The following NRDE2 variants were observed in gnomAD, a reference collection of about 807,000 sequenced individuals.
NRDE2 encodes nuclear exosome regulator NRDE2.
NRDE2 carries 76 observed loss-of-function variants against 124.2 expected under a neutral mutation model. The observed-to-expected ratio is 0.61, with a 90% CI of 0.51 to 0.74. The LOEUF is 0.74. Ranked by LOEUF, NRDE2 falls within the 30% of genes least tolerant of loss-of-function variation. NRDE2 has a pLI of 0.00. For missense variants in NRDE2, 1,314 were observed against 1,417.3 expected (o/e 0.93, Z 1.17); for synonymous variants, 489 against 528.1 (o/e 0.93, Z 1.01).
intron 1 of NRDE2, among the ~76,000 whole-genome samples, chr14:90,318,973 A>G (rs1218021649): frequency 6.6e-6 from 1 of 152,184 alleles, no homozygotes; most frequent in African/African-American, 2.4e-5. Context: ...AAAACCTAAG[A>G]TGTTAACTTT....
At chr14:90,307,954 C>T (rs1317692038) in intron 4 of NRDE2, among the ~76,000 whole-genome samples, 1 of 152,188 alleles carries the variant, frequency 6.6e-6, no homozygotes, top group Non-Finnish European at 1.5e-5. Context: ...CACTATGTTG[C>T]TCAGCCTTGT....
intron 3 of NRDE2, among the ~76,000 whole-genome samples, chr14:90,313,006 C>T (rs573177619): frequency 6.6e-6 from 1 of 152,240 alleles, no homozygotes; most frequent in South Asian, 2.1e-4. Context: ...GCCCTAACTT[C>T]GCCTAACTTA....
At chr14:90,315,943 G>A (rs1358367845) in intron 3 of NRDE2, among the ~76,000 whole-genome samples, 1 of 119,148 alleles carries the variant, frequency 8.4e-6, no homozygotes, top group Non-Finnish European at 1.6e-5. Context: ...GGCAACTGGA[G>A]TGAAACCCCG....
intron 1 of NRDE2, among the ~76,000 whole-genome samples, chr14:90,324,670 C>G (rs1885356569): frequency 7.3e-6 from 1 of 136,466 alleles, no homozygotes; most frequent in Non-Finnish European, 1.6e-5. Flanking sequence ...AAGGCTCCGT[C>G]TCCAAAAAAA....
rs1463855251 is a variant in NRDE2 at position 90,269,299 on chromosome 14, T to C, written c.*9037A>G. On this transcript the variant is annotated 3_prime_UTR_variant, in exon 14 of 14. Transcript: ENST00000354366. ...GCCATGTGAGTTGAAACAGGAATGTTTGTTAAGGTGTTTTGTCACAATGAG... is the reference window on the plus strand; with the variant it reads ...GCCATGTGAGTTGAAACAGGAATGTCTGTTAAGGTGTTTTGTCACAATGAG... The C allele has an allele frequency of 1.9e-6, 2 of 1,072,794 alleles. No individual in the cohort carries two copies. The highest frequency in any genetic ancestry group is 1.6e-5 in the African/African-American group (1 of 62,864). 66.5% of individuals were successfully genotyped at this position (1,072,794 alleles called of 1,614,324 possible).
Position 90,302,881 on chromosome 14 carries a change from A to G in NRDE2, c.1250T>C (p.Leu417Pro). The G allele has an allele frequency of 6.2e-7, 1 of 1,614,122 alleles. No individual in the cohort carries two copies. Among genetic ancestry groups the G allele is most frequent in the South Asian group, 1.1e-5 (1 of 91,090 alleles). ...LIFLHPNNTALWQKYLLFCQS... is the reference protein window; with the variant it reads ...LIFLHPNNTAPWQKYLLFCQS... ...GCAAAATAAAAGGTATTTCTGCCAA[A>G]GGGCTGTATTATTGGGATGCAAAAA... Residue 417 changes from leucine (L) to proline (P), a missense_variant, in exon 6 of 14, where the codon CTT becomes CCT. By Grantham distance (98) the Leu-to-Pro change is moderately conservative. Transcript: ENST00000354366.
intron 7 of NRDE2, among the ~76,000 whole-genome samples, chr14:90,300,580 C>T (rs1884357199): frequency 6.6e-6 from 1 of 151,560 alleles, no homozygotes; most frequent in Admixed American, 6.6e-5. Context: ...TATTTCTTCA[C>T]TTATCTTCAT....
intron 12 of NRDE2, among the ~76,000 whole-genome samples, chr14:90,283,407 T>C (rs538486060): frequency 6.6e-6 from 1 of 152,302 alleles, no homozygotes; most frequent in East Asian, 1.9e-4. Context: ...TGTAAAAGAC[T>C]GGGTAAGTTA....
chr14:90,303,293 A>G (rs575264024), intron 5 of NRDE2, among the ~76,000 whole-genome samples, 168 bp from the exon 6 acceptor site: 2 of 152,260 alleles, frequency 1.3e-5, no homozygotes, highest in South Asian at 2.1e-4. Context: ...GTGTCACCTG[A>G]TATGTTTGAT....
At chr14:90,331,526 A>G (rs887742174) in intron 1 of NRDE2, among the ~76,000 whole-genome samples, 3 of 152,234 alleles carry the variant, frequency 2.0e-5, no homozygotes, top group Non-Finnish European at 4.4e-5. Flanking sequence ...GAGTATCATT[A>G]TTCCCAATTT....
intron 12 of NRDE2, among the ~76,000 whole-genome samples, chr14:90,285,703 G>T (rs759749566): frequency 1.3e-5 from 2 of 152,088 alleles, no homozygotes; most frequent in Non-Finnish European, 2.9e-5. Context: ...TGTGATCATA[G>T]CTCACTGCCA....
Position 90,268,321 on chromosome 14 carries a change from G to T in NRDE2, c.*10015C>A. On this transcript the variant is annotated 3_prime_UTR_variant, in exon 14 of 14. Transcript: ENST00000354366. The stretch of plus-strand genomic sequence containing the variant: ...TTATTCAGAAGTACCTAGGTGATGG[G>T]CCCAAACTCGTACGGGAATTGTTCC... 6.8e-6 allele frequency: 11 copies of T among 1,613,292 alleles called. No individual in the cohort carries two copies. Among genetic ancestry groups the T allele is most frequent in the Non-Finnish European group, 9.3e-6 (11 of 1,179,320 alleles).
intron 6 of NRDE2, chr14:90,301,757 T>C (rs926589643): frequency 6.6e-6 from 3 of 456,506 alleles, no homozygotes; most frequent in African/African-American, 4.0e-5. Flanking sequence ...AGTTGATCAC[T>C]AGATGGCATT....
intron 1 of NRDE2, among the ~76,000 whole-genome samples, chr14:90,322,513 A>C (rs1288218056): frequency 6.6e-6 from 1 of 152,146 alleles, no homozygotes; most frequent in Non-Finnish European, 1.5e-5. Flanking sequence ...ACACCTAATC[A>C]AATGAACTGA....
chr14:90,325,171 C>T (rs1308207684), intron 1 of NRDE2, among the ~76,000 whole-genome samples: 2 of 152,064 alleles, frequency 1.3e-5, no homozygotes, highest in East Asian at 1.9e-4. Flanking sequence ...TTTGTGGACA[C>T]GGGAAGAAAA....
intron 1 of NRDE2, among the ~76,000 whole-genome samples, chr14:90,323,482 T>G (rs2139714391): frequency 6.6e-6 from 1 of 152,348 alleles, no homozygotes; most frequent in Non-Finnish European, 1.5e-5. Flanking sequence ...TAAGTGCTCC[T>G]CCTGAGATGG....
At position 90,268,517 on chromosome 14, in the gene NRDE2, C is replaced by G; in HGVS notation, c.*9819G>C. On this transcript the variant is annotated 3_prime_UTR_variant, in exon 14 of 14. Coordinates refer to ENST00000354366, the MANE Select transcript of NRDE2 (RefSeq NM_017970.4). ...GGGGGCTCTCCCTATGGCCACAGTT[C>G]TTGCTGTGCGTGGCCTTCCATGCAT... 1 of 1,168,426 alleles carries G rather than the reference C, an allele frequency of 8.6e-7. No homozygotes were observed. Among genetic ancestry groups the G allele is most frequent in the Admixed American group, 2.0e-5 (1 of 49,264 alleles). 72.4% of individuals were successfully genotyped at this position (1,168,426 alleles called of 1,614,324 possible).
chr14:90,293,006 T>A, intron 8 of NRDE2, 134 bp from the exon 9 acceptor site: 1 of 756,726 alleles, frequency 1.3e-6, no homozygotes, highest in Non-Finnish European at 2.2e-6. Flanking sequence ...TCTCCCAGGA[T>A]ACTCAGTGGC....
At chr14:90,280,811 G>A (rs1891933331) in intron 12 of NRDE2, 1 of 152,330 alleles carries the variant, frequency 6.6e-6, no homozygotes, top group Non-Finnish European at 1.5e-5. Flanking sequence ...CCTAAGTCAG[G>A]ACTGAAACAT....
Sources: allele counts gnomAD v4.1 joint callset (sites outside exome capture counted in the v4.1 genomes callset), GRCh38; gene constraint gnomAD v4.1.1; transcripts MANE v1.5; gene names NCBI Gene and HGNC (gene_info 2026-07-23, HGNC 2026-07-21).